MACROH2A1: variants seen among roughly 807,000 people sequenced by gnomAD.
The protein encoded by MACROH2A1 is core histone macro-H2A.1.
A neutral mutation model predicts 31.6 loss-of-function variants in MACROH2A1; 2 were observed. The observed-to-expected ratio is 0.06, with a 90% CI of 0.03 to 0.20. The LOEUF is 0.20. Among genes scored for constraint, MACROH2A1 ranks in the 10% least tolerant of loss-of-function variants. The pLI is 1.00. For missense variants in MACROH2A1, 230 were observed against 474.0 expected (o/e 0.49, Z 4.78); for synonymous variants, 169 against 189.6 (o/e 0.89, Z 0.89).
At chr5:135,382,493 T>C (rs915904429) in intron 2 of MACROH2A1, among the ~76,000 whole-genome samples, 4 of 152,084 alleles carry the variant, frequency 2.6e-5, no homozygotes, top group Non-Finnish European at 4.4e-5. Flanking sequence ...TTACAAAAAT[T>C]AACTCAAAAT....
intron 6 of MACROH2A1, chr5:135,350,840 T>C (rs769246121): frequency 1.9e-6 from 3 of 1,610,202 alleles, no homozygotes; most frequent in East Asian, 2.2e-5. Flanking sequence ...ACCACCGATG[T>C]AGAAGTCAGT....
chr5:135,362,695 T>A (rs960744703), intron 4 of MACROH2A1: 1 of 152,240 alleles, frequency 6.6e-6, no homozygotes, highest in African/African-American at 2.4e-5. Context: ...TTAGAATTTG[T>A]AATGCATTTG....
intron 8 of MACROH2A1, among the ~76,000 whole-genome samples, chr5:135,338,535 C>T (rs1175647054): frequency 1.3e-5 from 2 of 152,328 alleles, no homozygotes; most frequent in East Asian, 1.9e-4. Flanking sequence ...TGCAGTTACA[C>T]GGTGCTAACA....
At position 135,369,665 on chromosome 5, in the gene MACROH2A1, GC is replaced by G; in HGVS notation, c.280-63del. ...ATACCCTGCTTCTAACCTTCAAGAA[GC>G]CAGCCCTGCCCAGGACAGTCTTGCT... On this transcript the variant is annotated intron_variant, in intron 3 of 8. Transcript: ENST00000511689. This position sits in a 1 kb window ranked among gnomAD's most constrained non-coding sequence, Gnocchi z 4.3. 1.5e-6 allele frequency: 2 copies of G among 1,327,882 alleles called. No homozygotes were observed. Among genetic ancestry groups the G allele is most frequent in the Non-Finnish European group, 2.2e-6 (2 of 923,556 alleles). The allele number at this position is 1,327,882 out of a possible 1,614,324, so 82.3% of individuals were successfully genotyped here.
intron 6 of MACROH2A1, among the ~76,000 whole-genome samples, chr5:135,348,187 T>C (rs1051104877): frequency 2.0e-5 from 3 of 152,256 alleles, no homozygotes; most frequent in Non-Finnish European, 2.9e-5. Flanking sequence ...CACATGTTCA[T>C]GTAGACACAC....
Position 135,334,384 on chromosome 5 carries a change from G to A in MACROH2A1, c.*592C>T, listed in dbSNP as rs868052758. 3.2e-5 allele frequency: 6 copies of A among 189,168 alleles called. No individual in the cohort carries two copies. In the Middle Eastern group the frequency reaches 9.2e-3, roughly 289 times the overall value. The allele number at this position is 189,168 out of a possible 1,614,324, so 11.7% of individuals were successfully genotyped here. On this transcript the variant is annotated 3_prime_UTR_variant, in exon 9 of 9. Coordinates refer to ENST00000511689, the MANE Select transcript of MACROH2A1 (RefSeq NM_138610.3). ...ACTGGAACACACCAGTCACAACAAC[G>A]GTTTAACATTTTACTAAATCAACTC...
In MACROH2A1 at chr5:135,352,943, T is replaced by G. The variant is rs184519854; in HGVS notation, c.688+3A>C. The stretch of plus-strand genomic sequence containing the variant: ...GGTGGTGCCGAACCCCGTCCCCAAT[T>G]ACCTAGGTCATCTTTAAGGTCAATG... On this transcript the variant is annotated splice_donor_region_variant and intron_variant, in intron 6 of 8. Transcript: ENST00000511689. The G allele has an allele frequency of 6.8e-7, 1 of 1,477,108 alleles. No homozygotes were observed. Among genetic ancestry groups the G allele is most frequent in the East Asian group, 2.3e-5 (1 of 44,214 alleles). The allele number at this position is 1,477,108 out of a possible 1,614,324, so 91.5% of individuals were successfully genotyped here.
At chr5:135,350,965 A>C (rs1342487148) in intron 6 of MACROH2A1, 2 of 1,232,436 alleles carry the variant, frequency 1.6e-6, no homozygotes, top group Admixed American at 1.8e-5. Context: ...AGACCCACGC[A>C]CAGGCACATT....
intron 2 of MACROH2A1, among the ~76,000 whole-genome samples, chr5:135,386,876 G>C (rs1766486232): frequency 6.6e-6 from 1 of 152,216 alleles, no homozygotes; most frequent in Non-Finnish European, 1.5e-5. Context: ...CCTAATGATG[G>C]TGTCTGTGAA....
intron 2 of MACROH2A1, among the ~76,000 whole-genome samples, chr5:135,377,545 A>G (rs1394012013): frequency 6.6e-6 from 1 of 152,218 alleles, no homozygotes; most frequent in African/African-American, 2.4e-5. Context: ...CGTGGGCTGC[A>G]CTGTGTTGGG....
intron 6 of MACROH2A1, 163 bp from the exon 7 acceptor site, chr5:135,346,220 A>G: frequency 1.6e-6 from 1 of 619,796 alleles, no homozygotes; most frequent in Admixed American, 2.5e-5. Context: ...AAAATTGAGA[A>G]GGGCTTTGTC....
At chr5:135,359,963 G>A (rs979976606) in intron 5 of MACROH2A1, 37 of 926,012 alleles carry the variant, frequency 4.0e-5, no homozygotes, top group Non-Finnish European at 4.6e-5. Flanking sequence ...ATTGCCCATG[G>A]TTAAAACAAA....
Position 135,346,013 on chromosome 5 carries a change from C to T in MACROH2A1, c.733G>A (p.Val245Ile), listed in dbSNP as rs376197418. The change falls in exon 7 of 9, where the codon GTC (valine) becomes ATC (isoleucine). Residue 245 changes from valine to isoleucine, a missense_variant. Transcript: ENST00000511689. ...CCGTTCTTTTTCCGGAGTTCCAGGACAGCTTCCACAAACTCCTTGCCACCT... is the reference window on the plus strand; with the variant it reads ...CCGTTCTTTTTCCGGAGTTCCAGGATAGCTTCCACAAACTCCTTGCCACCT... ...KKGGKEFVEAVLELRKKNGPL... is the reference protein window; with the variant it reads ...KKGGKEFVEAILELRKKNGPL... 1 of 1,614,118 alleles carries T rather than the reference C, an allele frequency of 6.2e-7. No homozygotes were observed. The highest frequency in any genetic ancestry group is 8.5e-7 in the Non-Finnish European group (1 of 1,179,944).
intron 8 of MACROH2A1, 121 bp downstream of exon 8, chr5:135,343,139 G>A (rs1760195686): frequency 1.3e-6 from 2 of 1,585,606 alleles, no homozygotes; most frequent in Non-Finnish European, 1.7e-6. Flanking sequence ...TTGTGCTTCT[G>A]GTCTCCTTGG....
intron 1 of MACROH2A1, among the ~76,000 whole-genome samples, chr5:135,392,218 T>C (rs1215881578): frequency 6.6e-6 from 1 of 152,142 alleles, no homozygotes; most frequent in East Asian, 1.9e-4. Context: ...CCATAGTATA[T>C]ATATCCCAGC....
chr5:135,369,338 G>A lies in MACROH2A1; in HGVS notation c.477+68C>T. ...AGCCCACAGGGGGAATGAGGGGGGTGCCCTGGTAACCCTGTTTATCCGTAC... is the reference window on the plus strand; with the variant it reads ...AGCCCACAGGGGGAATGAGGGGGGTACCCTGGTAACCCTGTTTATCCGTAC... On this transcript the variant is annotated intron_variant, in intron 4 of 8. Coordinates refer to ENST00000511689, the MANE Select transcript of MACROH2A1 (RefSeq NM_138610.3). This position sits in a 1 kb window ranked among gnomAD's most constrained non-coding sequence, Gnocchi z 4.3. 1 of 1,267,940 alleles carries A rather than the reference G, an allele frequency of 7.9e-7. No individual in the cohort carries two copies. Among genetic ancestry groups the A allele is most frequent in the South Asian group, 1.2e-5 (1 of 82,726 alleles). 78.5% of individuals were successfully genotyped at this position (1,267,940 alleles called of 1,614,324 possible).
chr5:135,352,516 C>T (rs556211833), intron 6 of MACROH2A1, among the ~76,000 whole-genome samples: 1 of 152,328 alleles, frequency 6.6e-6, no homozygotes, highest in South Asian at 2.1e-4. Context: ...TAATAGCATA[C>T]TGATGTGGCC....
chr5:135,367,671 G>A (rs1440746544), intron 4 of MACROH2A1, among the ~76,000 whole-genome samples: 1 of 152,160 alleles, frequency 6.6e-6, no homozygotes, highest in East Asian at 1.9e-4. Flanking sequence ...CATGAAGGAG[G>A]GTGATGGCTC....
Position 135,343,614 on chromosome 5 carries a change from C to A in MACROH2A1, c.779-180G>T, listed in dbSNP as rs1760312237. 4.2e-6 allele frequency: 4 copies of A among 953,622 alleles called. No individual in the cohort carries two copies. The South Asian group carries it at 5.1e-5, about 12-fold the overall frequency. 59.1% of individuals were successfully genotyped at this position (953,622 alleles called of 1,614,324 possible). Reference sequence around the variant, plus strand: ...ATTCCAACGTGAGCTGGAGCCAAGCCACACCCTTGGAAAGTTGGCATTATG... The same window carrying A: ...ATTCCAACGTGAGCTGGAGCCAAGCAACACCCTTGGAAAGTTGGCATTATG... On this transcript the variant is annotated intron_variant, in intron 7 of 8. Coordinates refer to ENST00000511689, the MANE Select transcript of MACROH2A1 (RefSeq NM_138610.3).
Sources: gnomAD v4.1 joint callset for allele counts (sites outside exome capture counted in the v4.1 genomes callset) on GRCh38, gnomAD v4.1.1 for gene constraint, Gnocchi (gnomAD v3.1) non-coding constraint, MANE v1.5 for transcripts, NCBI Gene and HGNC (gene_info 2026-07-23, HGNC 2026-07-21) for gene names.